HERC3: variants seen among roughly 807,000 people sequenced by gnomAD.
The protein encoded by HERC3 is HECT and RLD domain containing E3 ubiquitin protein ligase 3, also known as probable E3 ubiquitin-protein ligase HERC3.
In HERC3, 58 loss-of-function variants were observed where a neutral mutation model predicts 129.9. The ratio of observed to expected loss-of-function variants is 0.45; its 90% CI spans 0.36 to 0.56. The LOEUF is 0.56. Among genes scored for constraint, HERC3 ranks in the 20% least tolerant of loss-of-function variants. The pLI, the probability that HERC3 is intolerant of heterozygous loss-of-function variation, is 0.00. For synonymous variants in HERC3, 430 were observed against 451.0 expected, an observed-to-expected ratio of 0.95 and a Z score of 0.59; for missense variants, 835 against 1,244.2, an observed-to-expected ratio of 0.67 and a Z score of 4.95.
chr4:88,560,893 G>A, the HERC3 span, among the ~76,000 whole-genome samples: 10 of 152,082 alleles, frequency 6.6e-5, no homozygotes, highest in Non-Finnish European at 1.2e-4. Flanking sequence ...TTATGTGACT[G>A]TATATGCTTG....
intron 4 of HERC3, among the ~76,000 whole-genome samples, chr4:88,650,202 T>A (rs530644756): frequency 2.2e-4 from 34 of 152,330 alleles, no homozygotes; most frequent in Admixed American, 1.8e-3. Flanking sequence ...TGTGAGTCGG[T>A]TGGGAACTGT....
At chr4:88,663,029 T>C (rs1275295419) in intron 11 of HERC3, among the ~76,000 whole-genome samples, 1 of 151,878 alleles carries the variant, frequency 6.6e-6, no homozygotes, top group African/African-American at 2.4e-5. Context: ...GTAAGTAGGA[T>C]TGAGAGCTTT....
chr4:88,628,912 T>C (rs993359691), intron 3 of HERC3, among the ~76,000 whole-genome samples: 1 of 152,166 alleles, frequency 6.6e-6, no homozygotes, highest in Admixed American at 6.5e-5. Context: ...CGGTGGCTCA[T>C]GGCTGTAATC....
intron 10 of HERC3, among the ~76,000 whole-genome samples, chr4:88,660,270 C>T (rs1346404560): frequency 3.9e-5 from 6 of 151,946 alleles, no homozygotes; most frequent in East Asian, 1.9e-4. Flanking sequence ...GGCGTGATCC[C>T]GGCTCACTGC....
chr4:88,706,937 T>C lies in HERC3; in HGVS notation c.3130T>C (p.Tyr1044His), dbSNP rs1342964194. 3.1e-6 allele frequency: 5 copies of C among 1,614,150 alleles called. No individual in the cohort carries two copies. The highest frequency in any genetic ancestry group is 4.2e-6 in the Non-Finnish European group (5 of 1,180,006). The change falls in exon 26 of 26, where the codon TAT (tyrosine) becomes CAT (histidine). Residue 1044 changes from tyrosine to histidine, a missense_variant. Coordinates refer to ENST00000402738, the MANE Select transcript of HERC3 (RefSeq NM_014606.3). The part of the protein sequence containing the change: ...SARLTQALDN[Y>H]EGFSLA ...CCGGCTGACCCAGGCCCTTGACAAC[T>C]ATGAAGGGTTTAGTTTGGCCTGAGG...
the HERC3 span, among the ~76,000 whole-genome samples, chr4:88,543,420 C>T: frequency 8.5e-5 from 13 of 152,188 alleles, no homozygotes; most frequent in Admixed American, 8.5e-4. Flanking sequence ...AACCACTGCT[C>T]AACGAAATAA....
the HERC3 span, among the ~76,000 whole-genome samples, chr4:88,562,017 C>T: frequency 1.1e-3 from 160 of 152,224 alleles, no homozygotes; most frequent in African/African-American, 3.0e-3. Flanking sequence ...ACCTAGCAGT[C>T]GGATTGCTGG....
intron 3 of HERC3, among the ~76,000 whole-genome samples, chr4:88,606,892 T>G (rs539495210): frequency 6.6e-6 from 1 of 152,260 alleles, no homozygotes; most frequent in Admixed American, 6.5e-5. Context: ...TATGACAGTT[T>G]TTTGAATAGG....
the HERC3 span, among the ~76,000 whole-genome samples, chr4:88,540,115 C>G: frequency 6.6e-6 from 1 of 152,170 alleles, no homozygotes; most frequent in African/African-American, 2.4e-5. Flanking sequence ...AAGTAGGCTT[C>G]AGAAGATTGG....
intron 3 of HERC3, among the ~76,000 whole-genome samples, chr4:88,632,498 A>G (rs567146964): frequency 6.6e-6 from 1 of 152,364 alleles, no homozygotes; most frequent in Non-Finnish European, 1.5e-5. Context: ...CAAACTTTAA[A>G]GCATGTAGTT....
intron 3 of HERC3, among the ~76,000 whole-genome samples, chr4:88,631,772 A>C (rs969753695): frequency 2.0e-5 from 3 of 152,132 alleles, no homozygotes; most frequent in Admixed American, 2.0e-4. Flanking sequence ...ACTTTCTCTG[A>C]TGTTTAAAAG....
At chr4:88,563,199 T>A in the HERC3 span, among the ~76,000 whole-genome samples, 1 of 152,236 alleles carries the variant, frequency 6.6e-6, no homozygotes, top group African/African-American at 2.4e-5. Flanking sequence ...ATAGTTTCCA[T>A]CACAGAGATC....
chr4:88,623,176 C>T (rs1029374968), intron 3 of HERC3, among the ~76,000 whole-genome samples: 18 of 152,146 alleles, frequency 1.2e-4, no homozygotes, highest in African/African-American at 3.6e-4. Context: ...TTCTGGTCGT[C>T]CTGAAGTTTT....
chr4:88,566,192 A>T, the HERC3 span, among the ~76,000 whole-genome samples: 1 of 152,036 alleles, frequency 6.6e-6, no homozygotes, highest in African/African-American at 2.4e-5. Context: ...TGTTCTCATC[A>T]TTTAGCTTCC....
the HERC3 span, among the ~76,000 whole-genome samples, chr4:88,538,731 G>C: frequency 6.6e-5 from 10 of 151,990 alleles, no homozygotes; most frequent in African/African-American, 1.4e-4. Flanking sequence ...TTTTAGTAGA[G>C]ATGGGGTTTC....
At chr4:88,697,332 T>C (rs1560777941) in intron 23 of HERC3, 2 of 1,612,824 alleles carry the variant, frequency 1.2e-6, no homozygotes, top group East Asian at 2.2e-5. Context: ...CGTACTCCTC[T>C]TCCTCCTCCT....
At chr4:88,532,926 G>C in the HERC3 span, among the ~76,000 whole-genome samples, 1 of 152,230 alleles carries the variant, frequency 6.6e-6, no homozygotes, top group Non-Finnish European at 1.5e-5. Flanking sequence ...TAATAGGATA[G>C]ATGAATATAC....
At chr4:88,698,226 A>C (rs2149341947) in intron 23 of HERC3, among the ~76,000 whole-genome samples, 1 of 152,148 alleles carries the variant, frequency 6.6e-6, no homozygotes, top group Middle Eastern at 3.4e-3. Flanking sequence ...GCGTTTGATC[A>C]CCTCTTAGAT....
chr4:88,621,256 G>A (rs1014626433), intron 3 of HERC3, among the ~76,000 whole-genome samples: 2 of 152,002 alleles, frequency 1.3e-5, no homozygotes, highest in Admixed American at 1.3e-4. Context: ...ACAGGTGCCC[G>A]CCACCATACC....
Sources: gnomAD v4.1 joint callset for allele counts (sites outside exome capture counted in the v4.1 genomes callset) on GRCh38, gnomAD v4.1.1 for gene constraint, MANE v1.5 for transcripts, NCBI Gene and HGNC (gene_info 2026-07-23, HGNC 2026-07-21) for gene names.